Variants in MASTL observed in about 807,000 individuals in gnomAD.
MASTL encodes serine/threonine-protein kinase greatwall.
In MASTL, 54 loss-of-function variants were observed where a neutral mutation model predicts 82.5. The ratio of observed to expected loss-of-function variants is 0.65; its 90% CI spans 0.53 to 0.82. The LOEUF (loss-of-function observed/expected upper bound fraction) is 0.82. MASTL is among the 40% of genes least tolerant of loss of function. MASTL has a pLI of 0.00. For missense variants in MASTL, 950 were observed against 1,047.8 expected, an observed-to-expected ratio of 0.91 and a Z score of 1.29; for synonymous variants, 323 against 368.9, an observed-to-expected ratio of 0.88 and a Z score of 1.43.
chr10:27,175,135 C>T lies in MASTL; in HGVS notation c.2266+1876C>T, dbSNP rs75616676. Among the ~76,000 whole-genome samples the T allele has an allele frequency of 4.2e-4, 64 of 151,938 alleles. 1 individual carries two copies. In the East Asian group the frequency reaches 0.012, roughly 29 times the overall value. On this transcript the variant is annotated intron_variant, in intron 9 of 11. Transcript: ENST00000375940. ...TCTTTGTTTGATTATTTTGCTCTGG[C>T]AACTTATCATCTCACTATTTAACTG... is the stretch of plus-strand genomic sequence containing the variant.
At chr10:27,178,637 A>G (rs1019968341) in intron 9 of MASTL, among the ~76,000 whole-genome samples, 5 of 151,678 alleles carry the variant, frequency 3.3e-5, no homozygotes, top group African/African-American at 9.7e-5. Flanking sequence ...ACTTAAGTAT[A>G]TGGGTATGTG....
rs890044697 is a variant in MASTL at position 27,159,489 on chromosome 10, C to T, written c.325-130C>T. The stretch of plus-strand genomic sequence containing the variant: ...GAATAAACCTAGTATTAATGTATTA[C>T]GAGTAATAGCAAGAAAAGGTCGTTT... On this transcript the variant is annotated intron_variant, in intron 2 of 11. Transcript: ENST00000375940. This position sits in a 1 kb window ranked among gnomAD's most constrained non-coding sequence, Gnocchi z 4.0. 2.0e-5 allele frequency: 13 copies of T among 645,054 alleles called. No individual in the cohort carries two copies. The highest frequency in any genetic ancestry group is 3.0e-5 in the Non-Finnish European group (11 of 367,878). The allele number at this position is 645,054 out of a possible 1,614,324, so 40.0% of individuals were successfully genotyped here.
chr10:27,155,799 C>G, intron 1 of MASTL, among the ~76,000 whole-genome samples, 187 bp downstream of exon 1: 1 of 152,242 alleles, frequency 6.6e-6, no homozygotes, highest in East Asian at 1.9e-4. Context: ...GGGTGTCTCG[C>G]CTCTGTTCCG....
intron 3 of MASTL, among the ~76,000 whole-genome samples, chr10:27,160,160 T>G (rs1415095474): frequency 1.4e-4 from 1 of 7,386 alleles, no homozygotes; most frequent in East Asian, 2.0e-3. Context: ...TACTCTTGGC[T>G]TTTTTTTTTT....
chr10:27,180,390 CTTTTCTTTTCTTTTT>C (rs2058234836), intron 9 of MASTL, among the ~76,000 whole-genome samples: 1 of 151,916 alleles, frequency 6.6e-6, no homozygotes, highest in Non-Finnish European at 1.5e-5. Context: ...CTTTTCTTTT[CTTTTCTTTTCTTTTT>C]TTTTGAGACA....
intron 9 of MASTL, 120 bp downstream of exon 9, chr10:27,173,379 A>C: frequency 9.4e-7 from 1 of 1,061,916 alleles, no homozygotes; most frequent in Non-Finnish European, 1.4e-6. Context: ...AAATGAACTC[A>C]TCTAGTATAT....
At chr10:27,172,432 A>C (rs2057977407) in intron 8 of MASTL, among the ~76,000 whole-genome samples, 1 of 152,156 alleles carries the variant, frequency 6.6e-6, no homozygotes, top group East Asian at 1.9e-4. Context: ...AGGTGGGAGG[A>C]TCACCTGAGG....
intron 3 of MASTL, among the ~76,000 whole-genome samples, chr10:27,160,133 G>T (rs10764678): frequency 3.5e-5 from 5 of 144,412 alleles, no homozygotes; most frequent in Admixed American, 7.2e-5. Flanking sequence ...GTGTCTGGGA[G>T]TAGAGGTGTG....
chr10:27,167,875 T>A (rs1316126757), intron 7 of MASTL, among the ~76,000 whole-genome samples: 6 of 152,178 alleles, frequency 3.9e-5, no homozygotes, highest in Admixed American at 2.0e-4. Context: ...CCTTAAAGTG[T>A]CTGTTCTGAG....
chr10:27,179,242 T>C (rs1300227421), intron 9 of MASTL, among the ~76,000 whole-genome samples: 1 of 152,154 alleles, frequency 6.6e-6, no homozygotes, highest in East Asian at 1.9e-4. Context: ...TATAAGATCA[T>C]ATTTAAAATA....
intron 9 of MASTL, among the ~76,000 whole-genome samples, chr10:27,176,585 T>C (rs2058107779): frequency 6.6e-6 from 1 of 152,190 alleles, no homozygotes; most frequent in Non-Finnish European, 1.5e-5. Flanking sequence ...CCTATTTTGC[T>C]TGTGTATTAA....
chr10:27,171,825 C>CTTTTTTTT lies in MASTL; in HGVS notation c.2124+757_2124+764dup, dbSNP rs112511530. ...AGAATAAAAGTTGAAAAATATGTTT[C>CTTTTTTTT]TTTTTTTTTTTTTTTTTTTTTTGAG... On this transcript the variant is annotated intron_variant, in intron 8 of 11. Coordinates refer to ENST00000375940, the MANE Select transcript of MASTL (RefSeq NM_001172303.3). Among the ~76,000 whole-genome samples, 66 of 93,582 alleles carry CTTTTTTTT rather than the reference C, an allele frequency of 7.1e-4. 3 individuals are homozygous for CTTTTTTTT. Among genetic ancestry groups the CTTTTTTTT allele is most frequent in the African/African-American group, 1.6e-3 (36 of 22,690 alleles). The allele number at this position is 93,582 out of a possible 152,430, so 61.4% of individuals were successfully genotyped here. A position where few individuals can be genotyped will look rare whatever the true frequency, so the allele number is the denominator to read the frequency against.
chr10:27,157,821 C>T (rs2057443947), intron 1 of MASTL, among the ~76,000 whole-genome samples: 1 of 151,530 alleles, frequency 6.6e-6, no homozygotes, highest in Non-Finnish European at 1.5e-5. Flanking sequence ...AAACTTCCGA[C>T]ATTCTTCCTC....
In MASTL at chr10:27,170,605, TAAG is replaced by T; in HGVS notation, c.1647_1649del (p.Leu549_Ser550delinsPhe). Reference sequence around the variant, plus strand: ...GAAAAGAATAGTAAGAGGGACTACTTAAGTTCTAGTTTTCTATGTTCTGATGAT... The same window carrying T: ...GAAAAGAATAGTAAGAGGGACTACTTTTCTAGTTTTCTATGTTCTGATGAT... On this transcript the variant is annotated inframe_deletion, in exon 8 of 12. Transcript: ENST00000375940. 6.2e-7 allele frequency: 1 copy of T among 1,608,332 alleles called. No individual in the cohort carries two copies. Among genetic ancestry groups the T allele is most frequent in the Admixed American group, 1.7e-5 (1 of 58,830 alleles).
At chr10:27,175,539 C>T (rs1351315307) in intron 9 of MASTL, among the ~76,000 whole-genome samples, 1 of 152,150 alleles carries the variant, frequency 6.6e-6, no homozygotes, top group Non-Finnish European at 1.5e-5. Context: ...CCAATTGTCT[C>T]TTCTCATTCC....
At position 27,155,401 on chromosome 10, in the gene MASTL, GCGGGGCCGCTGTAT is replaced by G. The variant is rs778722647; in HGVS notation, c.-25_-12del. 6.3e-7 allele frequency: 1 copy of G among 1,581,800 alleles called. No individual in the cohort carries two copies. Among genetic ancestry groups the G allele is most frequent in the Non-Finnish European group, 8.6e-7 (1 of 1,165,792 alleles). Reference sequence around the variant, plus strand: ...GGCTGCTCGCGGAGGGGCAGTGTCTGCGGGGCCGCTGTATGCTGTCCAGCGATGGATCCCACCGC... The same window carrying G: ...GGCTGCTCGCGGAGGGGCAGTGTCTGGCTGTCCAGCGATGGATCCCACCGC... On this transcript the variant is annotated 5_prime_UTR_variant, in exon 1 of 12. The change abolishes an upstream ATG in the 5' untranslated region. Transcript: ENST00000375940.
intron 9 of MASTL, among the ~76,000 whole-genome samples, chr10:27,177,006 G>A (rs561249151): frequency 3.9e-4 from 59 of 151,914 alleles, no homozygotes; most frequent in African/African-American, 1.4e-3. Context: ...CCCCATGCTC[G>A]GCTAATTTTT....
At chr10:27,155,298 C>A (rs1303235933), upstream of MASTL, 4 of 894,894 alleles carry the variant, frequency 4.5e-6, no homozygotes, top group East Asian at 8.0e-5. Context: ...GTGACGAGGG[C>A]GGGGCGCGGC....
intron 4 of MASTL, among the ~76,000 whole-genome samples, chr10:27,161,796 A>G (rs1394352924): frequency 6.6e-6 from 1 of 152,188 alleles, no homozygotes; most frequent in Non-Finnish European, 1.5e-5. Flanking sequence ...TTTTATCCCA[A>G]GTGAAATTGA....
Sources: allele counts gnomAD v4.1 joint callset (sites outside exome capture counted in the v4.1 genomes callset), GRCh38; gene constraint gnomAD v4.1.1; non-coding constraint Gnocchi (gnomAD v3.1); transcripts MANE v1.5; gene names NCBI Gene and HGNC (gene_info 2026-07-23, HGNC 2026-07-21).